The following PDZRN4 variants were observed in gnomAD, a reference collection of about 807,000 sequenced individuals.
PDZRN4 encodes the protein PDZ domain-containing RING finger protein 4.
Under a neutral mutation model 99.0 loss-of-function variants are expected in PDZRN4, and 70 were observed. The observed-to-expected ratio is 0.71, with a 90% CI of 0.58 to 0.86. The LOEUF is 0.86. Ranked by LOEUF, PDZRN4 falls within the 40% of genes least tolerant of loss-of-function variation. The probability of loss-of-function intolerance (pLI) is 0.00; values close to 1 mark genes in which losing one functional copy is unlikely to be tolerated. For synonymous variants in PDZRN4, 551 were observed against 501.6 expected (o/e 1.10, Z -1.32); for missense variants, 1,474 against 1,331.2 (o/e 1.11, Z -1.67).
intron 3 of PDZRN4, among the ~76,000 whole-genome samples, chr12:41,424,386 T>G (rs1212397695): frequency 6.6e-6 from 1 of 152,154 alleles, no homozygotes; most frequent in Non-Finnish European, 1.5e-5. Flanking sequence ...TATGTATGAT[T>G]AAACACATGA....
At chr12:41,478,958 T>A (rs1242559911) in intron 3 of PDZRN4, among the ~76,000 whole-genome samples, 2 of 152,208 alleles carry the variant, frequency 1.3e-5, no homozygotes, top group Non-Finnish European at 2.9e-5. Context: ...AATAATAGTG[T>A]TTTTAGTTTT....
intron 3 of PDZRN4, among the ~76,000 whole-genome samples, chr12:41,278,274 T>C (rs1951362903): frequency 6.6e-6 from 1 of 152,160 alleles, no homozygotes; most frequent in South Asian, 2.1e-4. Context: ...AAGAAAAACA[T>C]AGACACAAGA....
intron 3 of PDZRN4, among the ~76,000 whole-genome samples, chr12:41,345,276 T>C (rs1484692682): frequency 2.6e-5 from 4 of 152,220 alleles, no homozygotes; most frequent in African/African-American, 9.6e-5. Flanking sequence ...GACGCGTTCC[T>C]TTTGTTACTG....
intron 3 of PDZRN4, among the ~76,000 whole-genome samples, chr12:41,301,565 T>G (rs575313767): frequency 1.2e-4 from 18 of 152,070 alleles, no homozygotes; most frequent in Non-Finnish European, 2.2e-4. Flanking sequence ...TTCAGAAGTT[T>G]TTAATATCTC....
chr12:41,311,290 A>C (rs578224349), intron 3 of PDZRN4, among the ~76,000 whole-genome samples: 1 of 152,210 alleles, frequency 6.6e-6, no homozygotes, highest in South Asian at 2.1e-4. Context: ...TTTCAGAAAA[A>C]AAAATCCCCG....
At chr12:41,233,972 T>C (rs537468810) in intron 3 of PDZRN4, among the ~76,000 whole-genome samples, 241 of 151,888 alleles carry the variant, frequency 1.6e-3, no homozygotes, top group Non-Finnish European at 2.6e-3. Context: ...CAAAGAAATC[T>C]GTTTCCAGAT....
At chr12:41,191,785 T>TTTTG (rs5797713) in intron 2 of PDZRN4, among the ~76,000 whole-genome samples, 28 of 150,392 alleles carry the variant, frequency 1.9e-4, no homozygotes, top group African/African-American at 3.9e-4. Flanking sequence ...TATTTATTTA[T>TTTTG]TTTGTTTGTT....
intron 3 of PDZRN4, among the ~76,000 whole-genome samples, chr12:41,503,824 C>T (rs1436597376): frequency 1.3e-5 from 2 of 152,118 alleles, no homozygotes; most frequent in Non-Finnish European, 2.9e-5. Context: ...TGGAAGAAAC[C>T]GTGGTCACGA....
chr12:41,373,603 C>G (rs948557119), intron 3 of PDZRN4, among the ~76,000 whole-genome samples: 2 of 152,134 alleles, frequency 1.3e-5, no homozygotes, highest in Non-Finnish European at 2.9e-5. Flanking sequence ...TTGCTGTTAT[C>G]CTGTTCTTTT....
At chr12:41,231,637 T>C (rs1951030270) in intron 3 of PDZRN4, among the ~76,000 whole-genome samples, 2 of 152,126 alleles carry the variant, frequency 1.3e-5, no homozygotes, top group Admixed American at 1.3e-4. Context: ...ATTATATTAG[T>C]TTCATTTATT....
At chr12:41,224,347 T>C (rs1384822160) in intron 3 of PDZRN4, among the ~76,000 whole-genome samples, 1 of 152,210 alleles carries the variant, frequency 6.6e-6, no homozygotes, top group African/African-American at 2.4e-5. Context: ...AAGTGTGACA[T>C]GTTATGAGCC....
intron 6 of PDZRN4, among the ~76,000 whole-genome samples, chr12:41,553,006 T>A (rs527756953): frequency 2.3e-4 from 35 of 152,336 alleles, no homozygotes; most frequent in Admixed American, 1.9e-3. Context: ...AGTGGTAACA[T>A]TGTCCAAATT....
chr12:41,189,127 G>A, intron 1 of PDZRN4, 24 bp downstream of exon 1: 2 of 1,569,490 alleles, frequency 1.3e-6, no homozygotes, highest in Non-Finnish European at 1.7e-6. Flanking sequence ...GGTGGGCACC[G>A]CGGGCATGGT....
chr12:41,514,838 T>C (rs1173116176), intron 5 of PDZRN4, among the ~76,000 whole-genome samples: 2 of 152,062 alleles, frequency 1.3e-5, no homozygotes, highest in Non-Finnish European at 2.9e-5. Flanking sequence ...GCCATTTTTG[T>C]CTCAAACACT....
At chr12:41,387,792 G>A (rs538004879) in intron 3 of PDZRN4, among the ~76,000 whole-genome samples, 2 of 152,334 alleles carry the variant, frequency 1.3e-5, no homozygotes, top group East Asian at 3.9e-4. Flanking sequence ...TGCTGGTGAG[G>A]TTGTGGAGAA....
intron 5 of PDZRN4, among the ~76,000 whole-genome samples, chr12:41,536,685 G>C (rs1938753453): frequency 6.7e-6 from 1 of 150,192 alleles, no homozygotes; most frequent in African/African-American, 2.5e-5. Flanking sequence ...AAAGAAGGAT[G>C]GAAAATCTCT....
chr12:41,531,592 A>G (rs1938663000), intron 5 of PDZRN4, among the ~76,000 whole-genome samples: 1 of 152,104 alleles, frequency 6.6e-6, no homozygotes, highest in Non-Finnish European at 1.5e-5. Context: ...GAAAAGAAAA[A>G]TGCCTGTTCC....
At chr12:41,448,223 AG>A (rs1952745695) in intron 3 of PDZRN4, among the ~76,000 whole-genome samples, 1 of 152,134 alleles carries the variant, frequency 6.6e-6, no homozygotes, top group Non-Finnish European at 1.5e-5. Context: ...CTCTCCTAAC[AG>A]CTAAAATTTT....
chr12:41,488,803 T>G (rs1444164890), intron 3 of PDZRN4, among the ~76,000 whole-genome samples: 1 of 152,208 alleles, frequency 6.6e-6, no homozygotes, highest in Non-Finnish European at 1.5e-5. Context: ...GAGGTGAAGC[T>G]CTATCCTTCA....
Sources: gnomAD v4.1 joint callset for allele counts (sites outside exome capture counted in the v4.1 genomes callset) on GRCh38, gnomAD v4.1.1 for gene constraint, MANE v1.5 for transcripts, NCBI Gene and HGNC (gene_info 2026-07-23, HGNC 2026-07-21) for gene names.